KCNQ1: variants seen among roughly 807,000 people sequenced by gnomAD.
KCNQ1 encodes the protein potassium voltage-gated channel subfamily KQT member 1.
KCNQ1 carries 49 observed loss-of-function variants against 72.4 expected under a neutral mutation model. The ratio of observed to expected loss-of-function variants is 0.68; its 90% confidence interval spans 0.54 to 0.86. KCNQ1 has a LOEUF of 0.86. KCNQ1 is among the 40% of genes least tolerant of loss of function. KCNQ1 has a pLI of 0.00. For synonymous variants in KCNQ1, 450 were observed against 412.6 expected (o/e 1.09, Z -1.10); for missense variants, 790 against 945.1 (o/e 0.84, Z 2.15).
rs1846559053 is a variant in KCNQ1, at chr11:2,769,686, T to C, written c.1590+767T>C. Among the ~76,000 whole-genome samples the C allele has an allele frequency of 6.6e-6, 1 of 152,060 alleles. No individual in the cohort carries two copies. Among genetic ancestry groups the C allele is most frequent in the Non-Finnish European group, 1.5e-5 (1 of 67,990 alleles). On this transcript the variant is annotated intron_variant, in intron 12 of 15. Transcript: ENST00000155840. This position sits in a 1 kb window ranked among gnomAD's most constrained non-coding sequence, Gnocchi z 4.6. ...TGTGGGAACCCCGTATCCTCTGTGG[T>C]GGGTGATCCAGAAGGCAAAAATCAC...
In KCNQ1 at chr11:2,559,631, C is replaced by T. The variant is rs1411859686; in HGVS notation, c.478-10997C>T. Among the ~76,000 whole-genome samples, 2 of 152,188 alleles carry T rather than the reference C, an allele frequency of 1.3e-5. No individual in the cohort carries two copies. Among genetic ancestry groups the T allele is most frequent in the Non-Finnish European group, 2.9e-5 (2 of 68,024 alleles). ...GCAAGTCCCTTGCCTCTCTCGCTCA[C>T]CAGGAAGAAGACACGTCCGGGCAGC... is the stretch of plus-strand genomic sequence containing the variant. On this transcript the variant is annotated intron_variant, in intron 2 of 15. Coordinates refer to ENST00000155840, the MANE Select transcript of KCNQ1 (RefSeq NM_000218.3). The surrounding 1 kb of genome is among the most constrained non-coding windows in gnomAD (Gnocchi z 4.9).
intron 1 of KCNQ1, among the ~76,000 whole-genome samples, chr11:2,454,390 C>T (rs550713204): frequency 5.5e-4 from 84 of 152,224 alleles, no homozygotes; most frequent in African/African-American, 1.9e-3. Context: ...AGTAGTCCCT[C>T]AAAATTGAAA....
At chr11:2,649,431 A>G in intron 10 of KCNQ1, 2 of 398,300 alleles carry the variant, frequency 5.0e-6, no homozygotes, top group Non-Finnish European at 8.8e-6. Flanking sequence ...CTACTTCCAG[A>G]TGTAGTACTC....
In KCNQ1 at chr11:2,598,969, A is replaced by G. The variant is rs887962472; in HGVS notation, c.1393+10115A>G. On this transcript the variant is annotated intron_variant, in intron 10 of 15. Coordinates refer to ENST00000155840, the MANE Select transcript of KCNQ1 (RefSeq NM_000218.3). The surrounding 1 kb of genome is among the most constrained non-coding windows in gnomAD (Gnocchi z 6.2). ...TGCTGCCAAATTGGCCTCAGGCTCTATCAATACCAGATCTGAATAGGGGCT... is the reference window on the plus strand; with the variant it reads ...TGCTGCCAAATTGGCCTCAGGCTCTGTCAATACCAGATCTGAATAGGGGCT... 3.0e-4 allele frequency among the ~76,000 whole-genome samples: 45 copies of G among 152,380 alleles called. No homozygotes were observed. The highest frequency in any genetic ancestry group is 9.9e-4 in the African/African-American group (41 of 41,592).
Position 2,683,658 on chromosome 11 carries a change from T to C in KCNQ1, c.1514+21577T>C, listed in dbSNP as rs938120059. ...ATCTGCTGCAAGGAACATCCCTTAC[T>C]TTCCCATCTCAATACAACTGTGAAA... is the stretch of plus-strand genomic sequence containing the variant. On this transcript the variant is annotated intron_variant, in intron 11 of 15. Transcript: ENST00000155840. This position sits in a 1 kb window ranked among gnomAD's most constrained non-coding sequence, Gnocchi z 4.7. 2.5e-6 allele frequency: 1 copy of C among 398,552 alleles called. No individual in the cohort carries two copies. The highest frequency in any genetic ancestry group is 2.1e-5 in the African/African-American group (1 of 48,642). 24.7% of individuals were successfully genotyped at this position (398,552 alleles called of 1,614,324 possible).
intron 11 of KCNQ1, among the ~76,000 whole-genome samples, chr11:2,721,420 C>G (rs992886618): frequency 6.6e-6 from 1 of 152,266 alleles, no homozygotes; most frequent in Non-Finnish European, 1.5e-5. Flanking sequence ...CTCAGCCTCC[C>G]TGCCTCAGAG....
intron 1 of KCNQ1, chr11:2,461,434 C>A: frequency 1.6e-6 from 2 of 1,282,618 alleles, no homozygotes; most frequent in Non-Finnish European, 1.0e-6. Context: ...CGGGGGTGGC[C>A]CCTCTTCCCT....
At position 2,612,152 on chromosome 11, in the gene KCNQ1, C is replaced by T. The variant is rs1848987533; in HGVS notation, c.1393+23298C>T. On this transcript the variant is annotated intron_variant, in intron 10 of 15. Transcript: ENST00000155840. The surrounding 1 kb of genome is among the most constrained non-coding windows in gnomAD (Gnocchi z 5.5). ...GTACCAGTCTGTGGCCTATTAGAAA[C>T]TGGGCTACACAGCAGGAGGTGAGCA... 1 of 398,520 alleles carries T rather than the reference C, an allele frequency of 2.5e-6. No individual in the cohort carries two copies. The highest frequency in any genetic ancestry group is 4.4e-5 in the Admixed American group (1 of 22,720). 24.7% of individuals were successfully genotyped at this position (398,520 alleles called of 1,614,324 possible).
Position 2,682,880 on chromosome 11 carries a change from T to G in KCNQ1, c.1514+20799T>G, listed in dbSNP as rs541399111. The G allele has an allele frequency of 2.5e-6, 1 of 398,516 alleles. No homozygotes were observed. Among genetic ancestry groups the G allele is most frequent in the African/African-American group, 2.1e-5 (1 of 48,632 alleles). The allele number at this position is 398,516 out of a possible 1,614,324, so 24.7% of individuals were successfully genotyped here. On this transcript the variant is annotated intron_variant, in intron 11 of 15. Coordinates refer to ENST00000155840, the MANE Select transcript of KCNQ1 (RefSeq NM_000218.3). This position sits in a 1 kb window ranked among gnomAD's most constrained non-coding sequence, Gnocchi z 5.8. ...AGACCAGGAAACTGAGGCTTGGGGA[T>G]AGCAGATGTTCCCAGACAGAAAATG...
Position 2,677,003 on chromosome 11 carries a change from C to T in KCNQ1, c.1514+14922C>T, listed in dbSNP as rs1850305348. On this transcript the variant is annotated intron_variant, in intron 11 of 15. Coordinates refer to ENST00000155840, the MANE Select transcript of KCNQ1 (RefSeq NM_000218.3). The surrounding 1 kb of genome is among the most constrained non-coding windows in gnomAD (Gnocchi z 4.5). Reference sequence around the variant, plus strand: ...TTAACAGCTGCAGAGTTTCATTGTGCCATGATTTATGGAACAGATCCTCTG... The same window carrying T: ...TTAACAGCTGCAGAGTTTCATTGTGTCATGATTTATGGAACAGATCCTCTG... 1 of 398,590 alleles carries T rather than the reference C, an allele frequency of 2.5e-6. No individual in the cohort carries two copies. Among genetic ancestry groups the T allele is most frequent in the Non-Finnish European group, 4.4e-6 (1 of 226,048 alleles). 24.7% of individuals were successfully genotyped at this position (398,590 alleles called of 1,614,324 possible). A position where few individuals can be genotyped will look rare whatever the true frequency, so the allele number is the denominator to read the frequency against.
intron 10 of KCNQ1, chr11:2,638,581 A>G (rs1407246963): frequency 2.0e-5 from 3 of 152,188 alleles, no homozygotes; most frequent in African/African-American, 7.2e-5. Context: ...TGGGTAACCC[A>G]ACCTTTCTCT....
At chr11:2,804,652 G>A (rs1222809295) in intron 15 of KCNQ1, among the ~76,000 whole-genome samples, 2 of 152,212 alleles carry the variant, frequency 1.3e-5, no homozygotes, top group Non-Finnish European at 2.9e-5. Flanking sequence ...AAAAGCTAAC[G>A]AGTGGGGTTG....
In KCNQ1 at chr11:2,566,480, T is replaced by C. The variant is rs934079815; in HGVS notation, c.478-4148T>C. ...AGCCTGGCTTTCCTCCTCTGTAAAA[T>C]GTGAACAGAGGCCACCACCCCCATT... On this transcript the variant is annotated intron_variant, in intron 2 of 15. Transcript: ENST00000155840. The surrounding 1 kb of genome is among the most constrained non-coding windows in gnomAD (Gnocchi z 6.7). 6.6e-6 allele frequency among the ~76,000 whole-genome samples: 1 copy of C among 151,958 alleles called. No homozygotes were observed. The highest frequency in any genetic ancestry group is 2.4e-5 in the African/African-American group (1 of 41,360).
At chr11:2,614,357 A>T (rs1038724489) in intron 10 of KCNQ1, 4 of 398,304 alleles carry the variant, frequency 1.0e-5, no homozygotes, top group African/African-American at 2.1e-5. Flanking sequence ...CACCCTTTAA[A>T]TTTTTTAAGT....
chr11:2,580,327 C>T (rs1033576670), intron 6 of KCNQ1, among the ~76,000 whole-genome samples: 1 of 151,978 alleles, frequency 6.6e-6, no homozygotes, highest in East Asian at 1.9e-4. Context: ...AAGCCTGGCT[C>T]GTGGGCATTG....
chr11:2,737,343 C>A (rs912657849), intron 11 of KCNQ1, among the ~76,000 whole-genome samples: 1 of 152,140 alleles, frequency 6.6e-6, no homozygotes, highest in Non-Finnish European at 1.5e-5. Context: ...CCTCTCTGTC[C>A]CAGGAAGCTG....
chr11:2,629,087 T>A (rs1002477334), intron 10 of KCNQ1: 15 of 398,068 alleles, frequency 3.8e-5, no homozygotes, highest in Non-Finnish European at 5.3e-5. Context: ...TTTTGTAGTT[T>A]CTTTCAAATT....
intron 15 of KCNQ1, among the ~76,000 whole-genome samples, chr11:2,795,056 T>C (rs1847104271): frequency 6.6e-6 from 1 of 151,830 alleles, no homozygotes; most frequent in Admixed American, 6.6e-5. Flanking sequence ...TTGGCGGGGG[T>C]CCAAGGGGTC....
Position 2,492,079 on chromosome 11 carries a change from G to A in KCNQ1, c.387-35849G>A, listed in dbSNP as rs1846844879. 6.6e-6 allele frequency among the ~76,000 whole-genome samples: 1 copy of A among 152,176 alleles called. No homozygotes were observed. The highest frequency in any genetic ancestry group is 6.5e-5 in the Admixed American group (1 of 15,276). ...GAGCTGTCTTACAAGAAATGCTAAA[G>A]GGAATTCTTCAATCTGAAAGAAAAG... On this transcript the variant is annotated intron_variant, in intron 1 of 15. Transcript: ENST00000155840. The surrounding 1 kb of genome is among the most constrained non-coding windows in gnomAD (Gnocchi z 4.1).
Sources: gnomAD v4.1 joint callset for allele counts (sites outside exome capture counted in the v4.1 genomes callset) on GRCh38, gnomAD v4.1.1 for gene constraint, Gnocchi (gnomAD v3.1) non-coding constraint, MANE v1.5 for transcripts, NCBI Gene and HGNC (gene_info 2026-07-23, HGNC 2026-07-21) for gene names.